GPR107: variants seen among roughly 807,000 people sequenced by gnomAD.
GPR107 encodes protein GPR107.
GPR107 carries 31 observed loss-of-function variants against 75.5 expected under a neutral mutation model. The observed-to-expected ratio is 0.41, with a 90% CI of 0.31 to 0.55. GPR107 has a LOEUF of 0.55. GPR107 is among the 20% of genes least tolerant of loss of function. The pLI is 0.26. For missense variants in GPR107, 572 were observed against 665.7 expected (o/e 0.86, Z 1.55); for synonymous variants, 267 against 251.3 (o/e 1.06, Z -0.59).
At chr9:130,082,474 CT>C (rs6151190) in intron 5 of GPR107, among the ~76,000 whole-genome samples, 40,470 of 112,666 alleles carry the variant, frequency 0.36, 7,351 homozygotes, top group Middle Eastern at 0.43. Context: ...AAAAGAATAT[CT>C]TTTTTTTTTT....
intron 7 of GPR107, 38 bp from the exon 8 acceptor site, chr9:130,090,838 A>T (rs746708761): frequency 1.5e-5 from 11 of 751,336 alleles, no homozygotes; most frequent in Admixed American, 9.8e-5. Flanking sequence ...ATCGCTGAGG[A>T]TTTGGGTACC....
chr9:130,111,120 A>T (rs7859901), intron 14 of GPR107, among the ~76,000 whole-genome samples: 8,622 of 151,924 alleles, frequency 0.057, 386 homozygotes, highest in African/African-American at 0.13. Context: ...GCCTCCCAAA[A>T]TGCTGGCATT....
chr9:130,135,262 C>T lies in GPR107; in HGVS notation c.*141C>T, dbSNP rs782744748. On this transcript the variant is annotated 3_prime_UTR_variant, in exon 18 of 18. Coordinates refer to ENST00000347136, the MANE Select transcript of GPR107 (RefSeq NM_020960.5). ...AGGGCACATGGCTGGAGCACAGTGC[C>T]GCGGAAACCTGATTTTGTACTCTCT... 20 of 552,406 alleles carry T rather than the reference C, an allele frequency of 3.6e-5. No homozygotes were observed. The highest frequency in any genetic ancestry group is 1.4e-4 in the Admixed American group (4 of 29,010). The allele number at this position is 552,406 out of a possible 1,614,324, so 34.2% of individuals were successfully genotyped here.
intron 1 of GPR107, among the ~76,000 whole-genome samples, chr9:130,068,634 A>C (rs777603947): frequency 4.6e-5 from 7 of 152,154 alleles, no homozygotes; most frequent in Non-Finnish European, 8.8e-5. Context: ...TTTAATATGA[A>C]GTCGGTGCAG....
chr9:130,115,762 C>CA (rs765306078), intron 14 of GPR107, among the ~76,000 whole-genome samples: 3,488 of 89,812 alleles, frequency 0.039, 80 homozygotes, highest in African/African-American at 0.066. Flanking sequence ...GACTCCGTCT[C>CA]AAAAAAAAAA....
chr9:130,116,729 C>T (rs887050464), intron 14 of GPR107, among the ~76,000 whole-genome samples: 3 of 152,206 alleles, frequency 2.0e-5, no homozygotes, highest in African/African-American at 7.2e-5. Flanking sequence ...GGAAACCTAA[C>T]AGGCTTGGCA....
In GPR107 at chr9:130,104,469, C is replaced by T. The variant is rs753824483; in HGVS notation, c.1181C>T (p.Thr394Met). ...ATCATAGAGTCCACCGAGGAGGGCACGACTGAATATGGCTTGTGGAAGGAC... is the reference window on the plus strand; with the variant it reads ...ATCATAGAGTCCACCGAGGAGGGCATGACTGAATATGGCTTGTGGAAGGAC... Reference protein sequence around the residue: ...YIIIESTEEGTTEYGLWKDSL... With the variant: ...YIIIESTEEGMTEYGLWKDSL... The change falls in exon 13 of 18, where the codon ACG becomes ATG. Residue 394 changes from threonine to methionine, a missense_variant. Physicochemically the swap from Thr to Met is moderately conservative, Grantham distance 81. Coordinates refer to ENST00000347136, the MANE Select transcript of GPR107 (RefSeq NM_020960.5). The T allele has an allele frequency of 1.3e-5, 21 of 1,612,496 alleles. No homozygotes were observed. Among genetic ancestry groups the T allele is most frequent in the East Asian group, 8.9e-5 (4 of 44,854 alleles).
intron 1 of GPR107, among the ~76,000 whole-genome samples, chr9:130,058,631 A>C (rs1829851596): frequency 6.6e-6 from 1 of 151,846 alleles, no homozygotes; most frequent in Non-Finnish European, 1.5e-5. Context: ...CGCTCAGCTA[A>C]TTTTTGTATT....
chr9:130,094,914 C>T (rs548383796), intron 9 of GPR107, among the ~76,000 whole-genome samples: 1 of 152,270 alleles, frequency 6.6e-6, no homozygotes, highest in African/African-American at 2.4e-5. Context: ...CTCCTGACCT[C>T]AGGTGATCCA....
At chr9:130,092,021 A>T (rs533333957) in intron 8 of GPR107, among the ~76,000 whole-genome samples, 3 of 151,404 alleles carry the variant, frequency 2.0e-5, no homozygotes, top group Non-Finnish European at 4.4e-5. Context: ...TTTAGTAGAG[A>T]CGGGGTTTCA....
In GPR107 at chr9:130,069,984, CTTTTTTTT is replaced by C. The variant is rs1045979986; in HGVS notation, c.142-5632_142-5625del. On this transcript the variant is annotated intron_variant, in intron 1 of 17. Coordinates refer to ENST00000347136, the MANE Select transcript of GPR107 (RefSeq NM_020960.5). ...AGGCATAAGCCACCGTGCCTGGCCT[CTTTTTTTT>C]TTTTTTTTTTTTTTTTTTTAAATTT... Among the ~76,000 whole-genome samples the C allele has an allele frequency of 3.7e-4, 17 of 45,380 alleles. No homozygotes were observed. In the Admixed American group the frequency reaches 4.3e-3, roughly 12 times the overall value. The allele number at this position is 45,380 out of a possible 152,430, so 29.8% of individuals were successfully genotyped here.
intron 5 of GPR107, among the ~76,000 whole-genome samples, chr9:130,082,583 C>T (rs1242592474): frequency 6.7e-6 from 1 of 150,170 alleles, no homozygotes; most frequent in Admixed American, 6.7e-5. Context: ...AGGTTCACGC[C>T]ATTCTCCTGC....
At chr9:130,108,818 CT>C (rs1212008321) in intron 14 of GPR107, 1 of 189,854 alleles carries the variant, frequency 5.3e-6, no homozygotes, top group South Asian at 3.3e-5. Flanking sequence ...GTGATAGGTT[CT>C]TTTCAGTGGC....
At position 130,128,499 on chromosome 9, in the gene GPR107, C is replaced by T. The variant is rs74986524; in HGVS notation, c.1441-141C>T. 1.6e-3 allele frequency: 1,141 copies of T among 735,366 alleles called. 7 individuals carry two copies. The African/African-American group carries it at 0.018, about 12-fold the overall frequency. The allele number at this position is 735,366 out of a possible 1,614,324, so 45.6% of individuals were successfully genotyped here. A position where few individuals can be genotyped will look rare whatever the true frequency, so the allele number is the denominator to read the frequency against. On this transcript the variant is annotated intron_variant, in intron 16 of 17. Transcript: ENST00000347136. ...GCCTCGGCAAGTCTAAGGAAAATGC[C>T]CTGTAGCAGGAAGTGGCATCTGAGT...
At chr9:130,134,995 T>A in intron 17 of GPR107, 30 bp from the exon 18 acceptor site, 1 of 1,252,466 alleles carries the variant, frequency 8.0e-7, no homozygotes, top group South Asian at 1.2e-5. Flanking sequence ...CTGTGAGATG[T>A]TCCTAATTGT....
intron 3 of GPR107, among the ~76,000 whole-genome samples, chr9:130,076,834 T>TG (rs1285796420): frequency 6.6e-6 from 1 of 151,680 alleles, no homozygotes; most frequent in Non-Finnish European, 1.5e-5. Flanking sequence ...CTTGAGGTAG[T>TG]GGCTGCTTTG....
intron 6 of GPR107, among the ~76,000 whole-genome samples, chr9:130,085,754 A>ATTTTTTTTTTTTTTTTTTTTTTTT (rs71387311): frequency 0.014 from 1,122 of 78,588 alleles, 248 homozygotes; most frequent in East Asian, 0.029. Flanking sequence ...CAATATTTTG[A>ATTTTTTTTTTTTTTTTTTTTTTTT]TTTTTTTTTT....
At chr9:130,069,056 AT>A (rs1830135718) in intron 1 of GPR107, among the ~76,000 whole-genome samples, 1 of 151,976 alleles carries the variant, frequency 6.6e-6, no homozygotes, top group African/African-American at 2.4e-5. Flanking sequence ...TATACTTTTT[AT>A]TTGGTTGTAA....
chr9:130,062,850 A>G (rs896163449), intron 1 of GPR107, among the ~76,000 whole-genome samples: 2 of 151,954 alleles, frequency 1.3e-5, no homozygotes, highest in Non-Finnish European at 2.9e-5. Flanking sequence ...CTGCCTGCCT[A>G]GTAGCTAGTA....
Sources: gnomAD v4.1 joint callset for allele counts (sites outside exome capture counted in the v4.1 genomes callset) on GRCh38, gnomAD v4.1.1 for gene constraint, MANE v1.5 for transcripts, NCBI Gene and HGNC (gene_info 2026-07-23, HGNC 2026-07-21) for gene names.